CSMD1: variants seen among roughly 807,000 people sequenced by gnomAD.
CSMD1 encodes CUB and sushi domain-containing protein 1.
CSMD1 carries 213 observed loss-of-function variants against 417.5 expected under a neutral mutation model. That is an observed-to-expected ratio of 0.51 (90% CI 0.46 to 0.57). CSMD1 has a LOEUF of 0.57. Ranked by LOEUF, CSMD1 falls within the 20% of genes least tolerant of loss-of-function variation. CSMD1 has a pLI of 0.00. For synonymous variants in CSMD1, 2,862 were observed against 1,736.8 expected, an observed-to-expected ratio of 1.65 and a Z score of -16.11; for missense variants, 6,923 against 4,529.7, an observed-to-expected ratio of 1.53 and a Z score of -15.17.
At chr8:3,701,900 C>T in intron 7 of CSMD1, among the ~76,000 whole-genome samples, 1 of 152,278 alleles carries the variant, frequency 6.6e-6, no homozygotes, top group Middle Eastern at 3.4e-3. Context: ...GACAAGAGTC[C>T]ATCAGTTGCT....
chr8:3,824,161 T>C (rs1801908230), intron 5 of CSMD1, among the ~76,000 whole-genome samples: 1 of 151,916 alleles, frequency 6.6e-6, no homozygotes, highest in South Asian at 2.1e-4. Flanking sequence ...AACATTCCAA[T>C]GGAAATATCT....
At position 4,597,377 on chromosome 8, in the gene CSMD1, G is replaced by T. The variant is rs558944140; in HGVS notation, c.302+39965C>A. On this transcript the variant is annotated intron_variant, in intron 2 of 69. Coordinates refer to ENST00000635120, the MANE Select transcript of CSMD1 (RefSeq NM_033225.6). ...ATTTCACAGACCTAAAGTAGTGTGAGGTATGTTGACCTGACCAAGGTTAAA... is the reference window on the plus strand; with the variant it reads ...ATTTCACAGACCTAAAGTAGTGTGATGTATGTTGACCTGACCAAGGTTAAA... 1.5e-3 allele frequency among the ~76,000 whole-genome samples: 224 copies of T among 152,188 alleles called. 1 individual carries two copies. The highest frequency in any genetic ancestry group is 5.3e-3 in the African/African-American group (221 of 41,538).
At chr8:3,800,303 G>A (rs1339834780) in intron 5 of CSMD1, among the ~76,000 whole-genome samples, 1 of 152,042 alleles carries the variant, frequency 6.6e-6, no homozygotes, top group East Asian at 1.9e-4. Flanking sequence ...AAGTTATACT[G>A]GGCAAATCAC....
chr8:3,909,840 G>A (rs1280080946), intron 5 of CSMD1, among the ~76,000 whole-genome samples: 1 of 152,090 alleles, frequency 6.6e-6, no homozygotes, highest in Non-Finnish European at 1.5e-5. Flanking sequence ...GAAGCACCAC[G>A]TATGTCCTGC....
At chr8:4,190,537 T>G (rs1233566686) in intron 3 of CSMD1, among the ~76,000 whole-genome samples, 1 of 99,458 alleles carries the variant, frequency 1.0e-5, no homozygotes, top group South Asian at 4.7e-4. Flanking sequence ...TACATACACA[T>G]ATAAGCTTTT....
chr8:3,310,154 G>A (rs1022423228), intron 23 of CSMD1, among the ~76,000 whole-genome samples: 3 of 152,116 alleles, frequency 2.0e-5, no homozygotes, highest in South Asian at 4.1e-4. Context: ...CCGGTTTCAG[G>A]GTCATTCAAA....
At chr8:3,269,154 C>CATTCTTCGT (rs1268330742) in intron 26 of CSMD1, among the ~76,000 whole-genome samples, 2 of 152,372 alleles carry the variant, frequency 1.3e-5, no homozygotes, top group South Asian at 4.1e-4. Context: ...ATTCAACACG[C>CATTCTTCGT]ATTCTTCGTA....
intron 7 of CSMD1, among the ~76,000 whole-genome samples, chr8:3,624,809 T>G (rs1274610539): frequency 1.3e-5 from 2 of 152,210 alleles, no homozygotes; most frequent in Non-Finnish European, 2.9e-5. Context: ...CTTCAGCATT[T>G]TGTAGACTCA....
At chr8:4,461,866 G>C (rs925182352) in intron 2 of CSMD1, among the ~76,000 whole-genome samples, 1 of 149,990 alleles carries the variant, frequency 6.7e-6, no homozygotes, top group East Asian at 2.0e-4. Context: ...TCAGCCTCCC[G>C]AGTAGCTCGG....
intron 3 of CSMD1, among the ~76,000 whole-genome samples, chr8:4,370,219 T>A (rs548312924): frequency 2.6e-5 from 4 of 152,204 alleles, no homozygotes; most frequent in African/African-American, 9.6e-5. Context: ...TTTGGTGAGA[T>A]ACGAAATTCT....
At chr8:3,887,115 T>A (rs894085908) in intron 5 of CSMD1, among the ~76,000 whole-genome samples, 3 of 152,136 alleles carry the variant, frequency 2.0e-5, no homozygotes, top group Non-Finnish European at 4.4e-5. Context: ...GGGTGGGACT[T>A]CTACCAAAAC....
intron 1 of CSMD1, among the ~76,000 whole-genome samples, chr8:4,932,623 T>C (rs528261231): frequency 2.0e-4 from 31 of 152,308 alleles, no homozygotes; most frequent in Admixed American, 8.5e-4. Context: ...GGGTAGCAAG[T>C]TGACGTGTTT....
At chr8:4,818,620 G>C (rs949283668) in intron 1 of CSMD1, among the ~76,000 whole-genome samples, 13 of 152,008 alleles carry the variant, frequency 8.6e-5, no homozygotes, top group African/African-American at 2.2e-4. Context: ...ACCCTTGAGG[G>C]AAAGTGCCAG....
intron 1 of CSMD1, among the ~76,000 whole-genome samples, chr8:4,933,463 C>A (rs1286647479): frequency 6.6e-6 from 1 of 152,154 alleles, no homozygotes; most frequent in South Asian, 2.1e-4. Flanking sequence ...TCAAAGCCAA[C>A]AAGGAGAGAA....
At chr8:3,826,144 G>A (rs112417766) in intron 5 of CSMD1, among the ~76,000 whole-genome samples, 2 of 152,046 alleles carry the variant, frequency 1.3e-5, no homozygotes, top group South Asian at 2.1e-4. Context: ...CACTGCGAAT[G>A]AATACATCAA....
intron 2 of CSMD1, among the ~76,000 whole-genome samples, chr8:4,457,520 T>C (rs900665674): frequency 6.6e-6 from 1 of 152,150 alleles, no homozygotes; most frequent in Non-Finnish European, 1.5e-5. Context: ...GACATACCCA[T>C]GTAATTAAGA....
At chr8:3,723,480 A>G (rs1033454889) in intron 6 of CSMD1, among the ~76,000 whole-genome samples, 4 of 152,206 alleles carry the variant, frequency 2.6e-5, no homozygotes, top group Admixed American at 1.3e-4. Flanking sequence ...GATCCTGTGT[A>G]TTCTCTTCAG....
At chr8:4,222,288 T>C (rs932533259) in intron 3 of CSMD1, among the ~76,000 whole-genome samples, 27 of 152,278 alleles carry the variant, frequency 1.8e-4, no homozygotes, top group African/African-American at 6.0e-4. Flanking sequence ...CAGGTATTGC[T>C]TTTAATTTTT....
chr8:4,321,274 G>A (rs1190830132), intron 3 of CSMD1, among the ~76,000 whole-genome samples: 16 of 152,086 alleles, frequency 1.1e-4, no homozygotes, highest in Non-Finnish European at 2.4e-4. Flanking sequence ...TCCTCGGTGT[G>A]TTGGTATGTT....
Sources: allele counts gnomAD v4.1 joint callset (sites outside exome capture counted in the v4.1 genomes callset), GRCh38; gene constraint gnomAD v4.1.1; transcripts MANE v1.5; gene names NCBI Gene and HGNC (gene_info 2026-07-23, HGNC 2026-07-21).